Variants in C2orf92 observed in about 807,000 individuals in gnomAD.
C2orf92 encodes uncharacterized protein C2orf92.
intron 5 of C2orf92, among the ~76,000 whole-genome samples, chr2:97,693,442 A>C (rs751911598): frequency 1.3e-3 from 193 of 152,206 alleles, no homozygotes; most frequent in Non-Finnish European, 2.3e-3. Flanking sequence ...CAATCCCACC[A>C]ATATGTGCAA....
chr2:97,690,403 C>T (rs1404076760), intron 5 of C2orf92, 76 bp downstream of exon 5: 14 of 384,066 alleles, frequency 3.6e-5, no homozygotes, highest in South Asian at 1.3e-4. Flanking sequence ...TTTTTTGAGA[C>T]GGAGTCTCAC....
chr2:97,694,952 T>C (rs1033540226), intron 5 of C2orf92, among the ~76,000 whole-genome samples: 2 of 152,242 alleles, frequency 1.3e-5, no homozygotes, highest in Non-Finnish European at 2.9e-5. Flanking sequence ...TATATCTTCT[T>C]TGGAAAAATA....
intron 3 of C2orf92, among the ~76,000 whole-genome samples, chr2:97,687,938 C>T (rs956540300): frequency 4.0e-5 from 6 of 150,998 alleles, no homozygotes; most frequent in Middle Eastern, 3.4e-3. Flanking sequence ...TGTTCTCGGC[C>T]TTGCAGGTGA....
At chr2:97,692,628 T>G (rs1676175662) in intron 5 of C2orf92, among the ~76,000 whole-genome samples, 2 of 152,314 alleles carry the variant, frequency 1.3e-5, no homozygotes, top group African/African-American at 4.8e-5. Flanking sequence ...CAGGCTGGCC[T>G]CCAACTCCTG....
intron 1 of C2orf92, chr2:97,672,596 A>C (rs2104535932): frequency 6.6e-6 from 1 of 151,192 alleles, no homozygotes; most frequent in South Asian, 2.1e-4. Context: ...TGAAGATGGG[A>C]GTCTGGTTGG....
chr2:97,678,782 C>T (rs1675666107), intron 3 of C2orf92, among the ~76,000 whole-genome samples: 1 of 138,458 alleles, frequency 7.2e-6, no homozygotes, highest in Non-Finnish European at 1.5e-5. Flanking sequence ...CCAGCCTGGG[C>T]AATACGGCAA....
intron 1 of C2orf92, chr2:97,671,477 T>TGAA (rs1361202266): frequency 5.0e-6 from 2 of 398,450 alleles, no homozygotes; most frequent in Non-Finnish European, 8.8e-6. Context: ...AAAATCCTGA[T>TGAA]GAAGGTTTGG....
chr2:97,666,140 G>A (rs1057252658), upstream of C2orf92, among the ~76,000 whole-genome samples: 1 of 152,032 alleles, frequency 6.6e-6, no homozygotes, highest in East Asian at 1.9e-4. Context: ...ACATTTTGTT[G>A]TTGTAGGATT....
chr2:97,673,101 G>A (rs1190397905), intron 1 of C2orf92, among the ~76,000 whole-genome samples: 14 of 152,168 alleles, frequency 9.2e-5, no homozygotes, highest in Admixed American at 9.2e-4. Flanking sequence ...AATCTATTCT[G>A]CTTTGTTTCT....
At chr2:97,677,446 T>C (rs781273841) in intron 3 of C2orf92, 7 of 152,222 alleles carry the variant, frequency 4.6e-5, no homozygotes, top group Non-Finnish European at 8.8e-5. Flanking sequence ...TATCAGGTCA[T>C]TGACTAACTT....
At chr2:97,700,389 A>C (rs1418007600) in intron 6 of C2orf92, among the ~76,000 whole-genome samples, 1 of 152,170 alleles carries the variant, frequency 6.6e-6, no homozygotes, top group Admixed American at 6.5e-5. Flanking sequence ...AGAAGAGGTT[A>C]TATCACTGCC....
At chr2:97,664,021 T>G, upstream of C2orf92, 2 of 424,314 alleles carry the variant, frequency 4.7e-6, no homozygotes, top group East Asian at 5.2e-5. Flanking sequence ...GCCTGCAGCC[T>G]ACGCGAGCCC....
At chr2:97,681,710 T>C (rs1317684407) in intron 3 of C2orf92, among the ~76,000 whole-genome samples, 2 of 152,068 alleles carry the variant, frequency 1.3e-5, no homozygotes, top group Non-Finnish European at 2.9e-5. Flanking sequence ...TACAAAAAAT[T>C]AGCTGGGCGT....
intron 3 of C2orf92, among the ~76,000 whole-genome samples, chr2:97,676,623 T>C (rs1439004422): frequency 6.6e-6 from 1 of 151,470 alleles, no homozygotes; most frequent in African/African-American, 2.4e-5. Flanking sequence ...ACACGACAAA[T>C]TAGCCAAGTG....
chr2:97,664,004 T>C (rs1032050837), upstream of C2orf92: 2 of 549,126 alleles, frequency 3.6e-6, no homozygotes, highest in Non-Finnish European at 5.3e-6. Flanking sequence ...CTGCCCTCCC[T>C]CCCCGAGCCT....
At chr2:97,684,388 C>G (rs1264301949) in intron 3 of C2orf92, among the ~76,000 whole-genome samples, 2 of 152,144 alleles carry the variant, frequency 1.3e-5, no homozygotes, top group Admixed American at 1.3e-4. Context: ...AAATGACAGT[C>G]TCTTCGACAA....
intron 3 of C2orf92, among the ~76,000 whole-genome samples, chr2:97,679,584 G>A (rs1675693933): frequency 6.6e-6 from 1 of 152,162 alleles, no homozygotes; most frequent in Non-Finnish European, 1.5e-5. Context: ...GCTTATGCCT[G>A]TAATCCCAGC....
chr2:97,685,319 G>C (rs948913920), intron 3 of C2orf92, among the ~76,000 whole-genome samples: 2 of 149,374 alleles, frequency 1.3e-5, no homozygotes, highest in African/African-American at 4.9e-5. Context: ...AGGCTGGAGT[G>C]CAGTGGTGTG....
At chr2:97,669,271 AC>A (rs1675331688), upstream of C2orf92, 1 of 151,452 alleles carries the variant, frequency 6.6e-6, no homozygotes, top group Non-Finnish European at 1.5e-5. Context: ...ATAAGCAGCA[AC>A]ACTTTGTTAG....
Sources: allele counts gnomAD v4.1 joint callset (sites outside exome capture counted in the v4.1 genomes callset), GRCh38; gene constraint gnomAD v4.1.1; transcripts MANE v1.5; gene names NCBI Gene and HGNC (gene_info 2026-07-23, HGNC 2026-07-21).